MBD2: variants seen among roughly 807,000 people sequenced by gnomAD.
The protein encoded by MBD2 is methyl-CpG binding domain protein 2.
Under a neutral mutation model 39.3 loss-of-function variants are expected in MBD2, and 9 were observed. The observed-to-expected ratio is 0.23, with a 90% confidence interval of 0.14 to 0.40. The LOEUF (loss-of-function observed/expected upper bound fraction) is 0.40, where lower values mean the gene tolerates loss of function less well. Among genes scored for constraint, MBD2 ranks in the 10% least tolerant of loss-of-function variants. MBD2 has a pLI of 1.00. For missense variants in MBD2, 458 were observed against 532.6 expected (o/e 0.86, Z 1.38); for synonymous variants, 233 against 211.1 (o/e 1.10, Z -0.90).
Position 54,193,795 on chromosome 18 carries a change from G to T in MBD2, c.703-4784C>A, listed in dbSNP as rs1038996517. On this transcript the variant is annotated intron_variant, in intron 2 of 6. Transcript: ENST00000256429. ...CACAGATACCATGGTCAGAAAGGAG[G>T]ACGCATACCAAGTAATGAGGAAAAC... 2.6e-5 allele frequency among the ~76,000 whole-genome samples: 4 copies of T among 152,234 alleles called. No homozygotes were observed. The East Asian group carries it at 5.8e-4, about 22-fold the overall frequency.
chr18:54,177,241 C>T (rs549902143), intron 3 of MBD2, among the ~76,000 whole-genome samples: 6 of 152,252 alleles, frequency 3.9e-5, no homozygotes, highest in African/African-American at 1.2e-4. Context: ...GAATTATTTG[C>T]TCAGTGTTGA....
At chr18:54,167,953 A>G (rs1235459668) in intron 3 of MBD2, among the ~76,000 whole-genome samples, 1 of 151,074 alleles carries the variant, frequency 6.6e-6, no homozygotes, top group African/African-American at 2.4e-5. Context: ...GCTATAGAAA[A>G]AAAAAAAAAA....
chr18:54,211,481 T>A (rs1421604293), intron 1 of MBD2, among the ~76,000 whole-genome samples: 2 of 151,822 alleles, frequency 1.3e-5, no homozygotes, highest in Non-Finnish European at 2.9e-5. Flanking sequence ...TTAACTCCTT[T>A]CCCCTTAATC....
At chr18:54,186,524 G>C (rs2086287765) in intron 3 of MBD2, among the ~76,000 whole-genome samples, 1 of 152,022 alleles carries the variant, frequency 6.6e-6, no homozygotes, top group African/African-American at 2.4e-5. Flanking sequence ...AATCTAAACT[G>C]GAATACTTGG....
intron 2 of MBD2, among the ~76,000 whole-genome samples, chr18:54,198,194 T>C (rs1307937650): frequency 6.6e-6 from 1 of 152,182 alleles, no homozygotes; most frequent in Non-Finnish European, 1.5e-5. Flanking sequence ...GGTGGTGAAC[T>C]GACCATGAAG....
At chr18:54,222,586 GC>G (rs2086624973) in intron 1 of MBD2, among the ~76,000 whole-genome samples, 1 of 152,144 alleles carries the variant, frequency 6.6e-6, no homozygotes, top group Non-Finnish European at 1.5e-5. Flanking sequence ...TCTCGCCCCA[GC>G]CCCGTAACTG....
chr18:54,189,010 C>A lies in MBD2; in HGVS notation c.704G>T (p.Gly235Val), dbSNP rs562865980. 1.3e-6 allele frequency: 2 copies of A among 1,583,092 alleles called. No individual in the cohort carries two copies. The highest frequency in any genetic ancestry group is 1.7e-6 in the Non-Finnish European group (2 of 1,162,008). Residue 235 changes from glycine to valine, a missense_variant and splice_region_variant, in exon 3 of 7, where the codon GGT becomes GTT. Around this residue, in one of 2 missense-constraint regions of MBD2, gnomAD observed 189 missense variants for 296.6 expected, o/e 0.64. Transcript: ENST00000256429. ...LRNDPLNQNK[G>V]KPDLNTTLPI... ...CAATGTTGTATTCAAGTCTGGTTTACCCTGTGAATATAAATGTATTTTTAT... is the reference window on the plus strand; with the variant it reads ...CAATGTTGTATTCAAGTCTGGTTTAACCTGTGAATATAAATGTATTTTTAT...
In MBD2 at chr18:54,224,235, C is replaced by CGCA; in HGVS notation, c.324_325insTGC (p.Gly108_Gly109insCys). 1.0e-6 allele frequency: 1 copy of CGCA among 1,004,476 alleles called. No individual in the cohort carries two copies. The allele number at this position is 1,004,476 out of a possible 1,614,324, so 62.2% of individuals were successfully genotyped here. A position where few individuals can be genotyped will look rare whatever the true frequency, so the allele number is the denominator to read the frequency against. ...CCGCTGCCGCCGCCGCCGCAGCCGC[C>CGCA]GCCGTCGCCGCCAAGGCCGCTGCCG... On this transcript the variant is annotated inframe_insertion, in exon 1 of 7. Transcript: ENST00000256429.
rs145818420 is a variant in MBD2, at chr18:54,223,189, A to G, written c.542+829T>C. ...TTTCTTGAGCTTACTGGGTCACACA[A>G]ACTGAAGACATCAGCAGCATGACCA... is the stretch of plus-strand genomic sequence containing the variant. On this transcript the variant is annotated intron_variant, in intron 1 of 6. Transcript: ENST00000256429. Among the ~76,000 whole-genome samples the G allele has an allele frequency of 3.2e-4, 48 of 152,340 alleles. 1 individual carries two copies. In the East Asian group the frequency reaches 9.1e-3, roughly 29 times the overall value.
At chr18:54,205,591 CAAAAAAAAAA>C (rs10719481) in intron 1 of MBD2, among the ~76,000 whole-genome samples, 7 of 90,092 alleles carry the variant, frequency 7.8e-5, no homozygotes, top group African/African-American at 3.0e-4. Flanking sequence ...AACTCTATCT[CAAAAAAAAAA>C]AAAAAAAAAA....
chr18:54,161,639 C>T (rs1342780193), intron 5 of MBD2, among the ~76,000 whole-genome samples: 2 of 152,336 alleles, frequency 1.3e-5, no homozygotes, highest in Non-Finnish European at 2.9e-5. Context: ...CTAACATTTG[C>T]CATTGATTTT....
At position 54,161,110 on chromosome 18, in the gene MBD2, T is replaced by C. The variant is rs145989368; in HGVS notation, c.1110-1207A>G. 5.9e-4 allele frequency among the ~76,000 whole-genome samples: 90 copies of C among 152,260 alleles called. 1 individual carries two copies. Among genetic ancestry groups the C allele is most frequent in the African/African-American group, 2.1e-3 (87 of 41,546 alleles). Reference sequence around the variant, plus strand: ...TAAGGGTCCCTGAGTATTCACTCCATAGGGGCTCAACCAGCTGCCAAGTTA... The same window carrying C: ...TAAGGGTCCCTGAGTATTCACTCCACAGGGGCTCAACCAGCTGCCAAGTTA... On this transcript the variant is annotated intron_variant, in intron 5 of 6. Coordinates refer to ENST00000256429, the MANE Select transcript of MBD2 (RefSeq NM_003927.5).
At chr18:54,195,065 C>G (rs2097006960) in intron 2 of MBD2, among the ~76,000 whole-genome samples, 1 of 151,978 alleles carries the variant, frequency 6.6e-6, no homozygotes, top group Non-Finnish European at 1.5e-5. Flanking sequence ...ACTTCTATCA[C>G]AGGTTACATT....
intron 1 of MBD2, among the ~76,000 whole-genome samples, chr18:54,215,793 CTTTT>C (rs764192938): frequency 2.1e-5 from 3 of 144,588 alleles, no homozygotes; most frequent in African/African-American, 2.5e-5. Flanking sequence ...CAAGCCCGGC[CTTTT>C]TTTTTTTGTT....
At chr18:54,208,221 G>T (rs1166147581) in intron 1 of MBD2, among the ~76,000 whole-genome samples, 1 of 151,836 alleles carries the variant, frequency 6.6e-6, no homozygotes, top group Non-Finnish European at 1.5e-5. Flanking sequence ...GGCCAGGCAC[G>T]GTGGCTCATG....
At chr18:54,200,116 C>T (rs1292072894) in intron 2 of MBD2, among the ~76,000 whole-genome samples, 1 of 152,178 alleles carries the variant, frequency 6.6e-6, no homozygotes, top group East Asian at 1.9e-4. Flanking sequence ...AGACTTAACA[C>T]ACAACTGATT....
chr18:54,189,866 C>T (rs1599092106), intron 2 of MBD2, among the ~76,000 whole-genome samples: 1 of 151,758 alleles, frequency 6.6e-6, no homozygotes, highest in South Asian at 2.1e-4. Context: ...CCAGGCTGGT[C>T]TCAAACTCCT....
At chr18:54,217,032 T>C (rs991430442) in intron 1 of MBD2, among the ~76,000 whole-genome samples, 2 of 152,100 alleles carry the variant, frequency 1.3e-5, no homozygotes, top group Admixed American at 1.3e-4. Context: ...GAGGGTGCAG[T>C]GAGTGGAGAT....
chr18:54,156,507 A>G (rs2086052431), intron 6 of MBD2, among the ~76,000 whole-genome samples: 1 of 152,204 alleles, frequency 6.6e-6, no homozygotes, highest in East Asian at 1.9e-4. Flanking sequence ...AGCCTCGCTC[A>G]CATAAACAAG....
Sources: allele counts gnomAD v4.1 joint callset (sites outside exome capture counted in the v4.1 genomes callset), GRCh38; gene constraint gnomAD v4.1.1; regional missense constraint gnomAD v4.1.1; transcripts MANE v1.5; gene names NCBI Gene and HGNC (gene_info 2026-07-23, HGNC 2026-07-21).